Variants in RELL1 observed in about 807,000 individuals in gnomAD.
RELL1 encodes the protein RELT like 1.
RELL1 carries 10 observed loss-of-function variants against 23.0 expected under a neutral mutation model. The ratio of observed to expected loss-of-function variants is 0.43; its 90% CI spans 0.27 to 0.74. The LOEUF (loss-of-function observed/expected upper bound fraction) is 0.74. Among genes scored for constraint, RELL1 ranks in the 30% least tolerant of loss-of-function variants. The pLI is 0.19. For missense variants in RELL1, 315 were observed against 364.4 expected, an observed-to-expected ratio of 0.86 and a Z score of 1.10; for synonymous variants, 146 against 146.8, an observed-to-expected ratio of 0.99 and a Z score of 0.04.
downstream of RELL1, among the ~76,000 whole-genome samples, chr4:37,605,853 A>G (rs1410316748): frequency 6.8e-6 from 1 of 146,048 alleles, no homozygotes. Flanking sequence ...GAAGGAAAAG[A>G]AAAGAAAAGA....
intron 1 of RELL1, among the ~76,000 whole-genome samples, chr4:37,684,085 A>T (rs1560364903): frequency 6.6e-6 from 1 of 152,204 alleles, no homozygotes. Flanking sequence ...CAAAAAGAAA[A>T]AAATAAATAA....
intron 6 of RELL1, among the ~76,000 whole-genome samples, chr4:37,621,483 G>GA (rs747078836): frequency 9.9e-5 from 15 of 151,504 alleles, no homozygotes; most frequent in Middle Eastern, 3.4e-3. Context: ...ATAAAATAAG[G>GA]AAAAAAATAA....
At chr4:37,625,860 G>A (rs962275248) in intron 6 of RELL1, among the ~76,000 whole-genome samples, 5 of 151,628 alleles carry the variant, frequency 3.3e-5, no homozygotes, top group African/African-American at 9.7e-5. Flanking sequence ...ACAACATGTC[G>A]TACATAATAA....
At chr4:37,619,535 G>T (rs192520821) in intron 6 of RELL1, among the ~76,000 whole-genome samples, 2 of 152,046 alleles carry the variant, frequency 1.3e-5, no homozygotes, top group Admixed American at 6.5e-5. Context: ...GGGAGGTCTT[G>T]GTTTATATAT....
exon 7 of RELL1, chr4:37,591,003 G>T (rs1291778386): frequency 1.2e-6 from 2 of 1,600,110 alleles, no homozygotes; most frequent in South Asian, 2.3e-5. Flanking sequence ...CTGATTAGGG[G>T]AGGGGATTTG....
chr4:37,588,079 A>G (rs1012007448), downstream of RELL1: 2 of 152,284 alleles, frequency 1.3e-5, no homozygotes. Context: ...AGAGGCCAAC[A>G]TGGTCAGTTT....
chr4:37,643,645 GAC>G (rs1400791007), intron 3 of RELL1, among the ~76,000 whole-genome samples: 1 of 152,122 alleles, frequency 6.6e-6, no homozygotes, highest in Non-Finnish European at 1.5e-5. Context: ...ATTTATCAAA[GAC>G]AGAAAATATC....
intron 6 of RELL1, among the ~76,000 whole-genome samples, chr4:37,624,487 A>C (rs1442779788): frequency 6.7e-6 from 1 of 148,338 alleles, no homozygotes; most frequent in Non-Finnish European, 1.5e-5. Flanking sequence ...TGCAGTGTGC[A>C]ATCTCGGCTC....
At chr4:37,599,470 G>A (rs949661708) in intron 6 of RELL1, among the ~76,000 whole-genome samples, 4 of 152,196 alleles carry the variant, frequency 2.6e-5, no homozygotes, top group African/African-American at 9.7e-5. Context: ...TTGTCTGGGT[G>A]GGTTGGCTGT....
chr4:37,681,532 T>C (rs1429547765), intron 1 of RELL1, among the ~76,000 whole-genome samples: 5 of 140,048 alleles, frequency 3.6e-5, no homozygotes, highest in Non-Finnish European at 7.7e-5. Context: ...TTTTTTTTTT[T>C]TTTTTTTTTT....
At chr4:37,665,661 G>C (rs1030385272) in intron 1 of RELL1, among the ~76,000 whole-genome samples, 6 of 152,184 alleles carry the variant, frequency 3.9e-5, no homozygotes, top group African/African-American at 4.8e-5. Context: ...AAGTAGCAAG[G>C]GCCAGAAAAA....
chr4:37,589,942 T>C (rs1210882461), downstream of RELL1: 1 of 738,776 alleles, frequency 1.4e-6, no homozygotes, highest in Non-Finnish European at 2.3e-6. Flanking sequence ...ATACCAACTA[T>C]ATCTATTTGA....
chr4:37,608,080 CTT>C (rs1577560470), downstream of RELL1, among the ~76,000 whole-genome samples: 5 of 152,140 alleles, frequency 3.3e-5, no homozygotes, highest in South Asian at 8.3e-4. Flanking sequence ...AAATGACAAA[CTT>C]AATCTGTAAA....
At chr4:37,642,788 C>T (rs957228175) in intron 3 of RELL1, among the ~76,000 whole-genome samples, 3 of 152,100 alleles carry the variant, frequency 2.0e-5, no homozygotes, top group Admixed American at 6.5e-5. Context: ...CAGGGGAGGA[C>T]GGGGCAGGGT....
At chr4:37,605,874 AAAG>A (rs1375694074), downstream of RELL1, among the ~76,000 whole-genome samples, 1 of 144,988 alleles carries the variant, frequency 6.9e-6, no homozygotes, top group Non-Finnish European at 1.5e-5. Context: ...AAGAGAAAGG[AAAG>A]AAGGAAAGAA....
At chr4:37,684,099 T>C (rs1449222830) in intron 1 of RELL1, among the ~76,000 whole-genome samples, 1 of 151,950 alleles carries the variant, frequency 6.6e-6, no homozygotes, top group African/African-American at 2.4e-5. Flanking sequence ...TAAATAAAAA[T>C]AAAAATGCAT....
intron 1 of RELL1, among the ~76,000 whole-genome samples, chr4:37,667,093 G>A (rs541093942): frequency 1.1e-4 from 17 of 152,212 alleles, no homozygotes; most frequent in South Asian, 4.1e-4. Context: ...ACGAAGGAAA[G>A]ATTGAACAGA....
intron 1 of RELL1, among the ~76,000 whole-genome samples, chr4:37,654,668 A>T (rs78796201): frequency 0.034 from 5,235 of 152,318 alleles, 249 homozygotes; most frequent in East Asian, 0.15. Flanking sequence ...TATAAAAGTC[A>T]AAAAATAGCA....
intron 6 of RELL1, among the ~76,000 whole-genome samples, chr4:37,604,918 CAG>C (rs1560324065): frequency 0.048 from 3,327 of 68,758 alleles, 325 homozygotes; most frequent in African/African-American, 0.14. Context: ...CACACACACA[CAG>C]ACACACACAC....
Sources: allele counts gnomAD v4.1 joint callset (sites outside exome capture counted in the v4.1 genomes callset), GRCh38; gene constraint gnomAD v4.1.1; transcripts MANE v1.5; gene names NCBI Gene and HGNC (gene_info 2026-07-23, HGNC 2026-07-21).